The following PPP2R2C variants were observed in gnomAD, a reference collection of about 807,000 sequenced individuals.
PPP2R2C encodes protein phosphatase 2 regulatory subunit Bgamma.
Under a neutral mutation model 45.3 loss-of-function variants are expected in PPP2R2C, and 10 were observed. The ratio of observed to expected loss-of-function variants is 0.22; its 90% CI spans 0.14 to 0.37. The LOEUF is 0.37. Ranked by LOEUF, PPP2R2C falls within the 10% of genes least tolerant of loss-of-function variation. PPP2R2C has a pLI of 1.00. For synonymous variants in PPP2R2C, 257 were observed against 245.4 expected (o/e 1.05, Z -0.44); for missense variants, 308 against 619.7 (o/e 0.50, Z 5.34).
intron 1 of PPP2R2C, among the ~76,000 whole-genome samples, chr4:6,433,250 C>A (rs1719721810): frequency 6.6e-6 from 1 of 152,136 alleles, no homozygotes; most frequent in Non-Finnish European, 1.5e-5. Flanking sequence ...TCTCTGTGCA[C>A]AGCTGAAGGC....
chr4:6,377,681 T>C (rs577827533), intron 3 of PPP2R2C, among the ~76,000 whole-genome samples: 2 of 151,902 alleles, frequency 1.3e-5, no homozygotes, highest in East Asian at 3.9e-4. Context: ...AAAAAAAGAA[T>C]CCAGGTGTGT....
chr4:6,400,442 A>C (rs527662449), intron 1 of PPP2R2C, among the ~76,000 whole-genome samples: 2 of 152,372 alleles, frequency 1.3e-5, no homozygotes, highest in East Asian at 3.9e-4. Flanking sequence ...TCTGAGTTTT[A>C]ATTTCAAAGT....
intron 2 of PPP2R2C, among the ~76,000 whole-genome samples, chr4:6,521,724 G>C (rs774197170): frequency 2.0e-5 from 3 of 152,206 alleles, no homozygotes; most frequent in Non-Finnish European, 2.9e-5. Flanking sequence ...CCCTTTCCAG[G>C]GGGCCACTCT....
At chr4:6,373,773 C>T (rs536283998) in intron 4 of PPP2R2C, among the ~76,000 whole-genome samples, 11 of 152,346 alleles carry the variant, frequency 7.2e-5, no homozygotes, top group Admixed American at 5.9e-4. Flanking sequence ...GTTAAATTTT[C>T]CCACACACCA....
chr4:6,334,626 G>A (rs1257926160), intron 6 of PPP2R2C, among the ~76,000 whole-genome samples: 1 of 152,166 alleles, frequency 6.6e-6, no homozygotes, highest in Non-Finnish European at 1.5e-5. Flanking sequence ...GTTGGGCCAG[G>A]CACTAACTCC....
At chr4:6,533,945 C>G (rs1050538774) in intron 2 of PPP2R2C, among the ~76,000 whole-genome samples, 1 of 150,864 alleles carries the variant, frequency 6.6e-6, no homozygotes, top group African/African-American at 2.5e-5. Context: ...CATCAATAAG[C>G]TCACCACACA....
chr4:6,449,132 G>C (rs539799973), intron 1 of PPP2R2C, among the ~76,000 whole-genome samples: 1 of 152,172 alleles, frequency 6.6e-6, no homozygotes, highest in African/African-American at 2.4e-5. Context: ...CCAAGTCCAC[G>C]TAGAAGGCCC....
intron 2 of PPP2R2C, among the ~76,000 whole-genome samples, chr4:6,486,973 A>G (rs1722548889): frequency 6.6e-6 from 1 of 151,898 alleles, no homozygotes; most frequent in African/African-American, 2.4e-5. Flanking sequence ...CAATTATTCC[A>G]TTCTATCTAC....
chr4:6,501,179 T>C (rs746188752), intron 2 of PPP2R2C, among the ~76,000 whole-genome samples: 6 of 152,218 alleles, frequency 3.9e-5, no homozygotes, highest in Admixed American at 1.3e-4. Flanking sequence ...CCTAGGATGC[T>C]GTTTTCCGAT....
At chr4:6,351,283 A>G in intron 5 of PPP2R2C, 2 of 776,374 alleles carry the variant, frequency 2.6e-6, no homozygotes, top group Non-Finnish European at 3.1e-6. Context: ...ACTGCACTCC[A>G]GACTGGGTGA....
At chr4:6,376,897 G>A (rs759823275) in intron 3 of PPP2R2C, among the ~76,000 whole-genome samples, 2 of 152,230 alleles carry the variant, frequency 1.3e-5, no homozygotes, top group African/African-American at 4.8e-5. Flanking sequence ...GCCCCTTAGG[G>A]GACACAGATC....
intron 1 of PPP2R2C, among the ~76,000 whole-genome samples, chr4:6,441,605 G>A (rs1350647373): frequency 2.6e-5 from 4 of 152,300 alleles, no homozygotes; most frequent in Middle Eastern, 3.4e-3. Flanking sequence ...TGCTCTGTAC[G>A]TGTCACCTGC....
At chr4:6,526,421 C>G (rs537839192) in intron 2 of PPP2R2C, among the ~76,000 whole-genome samples, 1 of 152,304 alleles carries the variant, frequency 6.6e-6, no homozygotes, top group East Asian at 1.9e-4. Flanking sequence ...CTTCAGCTGA[C>G]AAGTTTAACA....
At chr4:6,396,479 G>A (rs1263515981) in intron 1 of PPP2R2C, among the ~76,000 whole-genome samples, 1 of 152,156 alleles carries the variant, frequency 6.6e-6, no homozygotes, top group African/African-American at 2.4e-5. Flanking sequence ...ATGGGTTATC[G>A]GGCTCCTTTC....
At position 6,486,638 on chromosome 4, in the gene PPP2R2C, G is replaced by A. The variant is rs73207872; in HGVS notation, c.49+48633C>T. Among the ~76,000 whole-genome samples, 1,421 of 152,086 alleles carry A rather than the reference G, an allele frequency of 9.3e-3. 7 individuals carry two copies. The highest frequency in any genetic ancestry group is 0.015 in the Non-Finnish European group (1,009 of 67,884). ...AACCTGGTAATATTCTTTACTGTGA[G>A]ATCTACTTTGAGATTAATATAGCCA... On this transcript the variant is annotated intron_variant, in intron 2 of 9. Transcript: ENST00000506140.
chr4:6,428,746 C>T (rs1051196787), intron 1 of PPP2R2C, among the ~76,000 whole-genome samples: 3 of 152,244 alleles, frequency 2.0e-5, no homozygotes. Flanking sequence ...TGCTGAGTGT[C>T]TCTGTCTCCA....
chr4:6,528,856 T>C (rs1304543516), intron 2 of PPP2R2C, among the ~76,000 whole-genome samples: 1 of 152,178 alleles, frequency 6.6e-6, no homozygotes, highest in African/African-American at 2.4e-5. Flanking sequence ...CCTTTGACTG[T>C]AATTTTCCTT....
intron 1 of PPP2R2C, among the ~76,000 whole-genome samples, chr4:6,469,824 G>A (rs1381147762): frequency 6.6e-6 from 1 of 152,186 alleles, no homozygotes; most frequent in Non-Finnish European, 1.5e-5. Flanking sequence ...CATTAGGGAG[G>A]CCAGAATTCT....
upstream of PPP2R2C, among the ~76,000 whole-genome samples, chr4:6,473,860 G>C (rs752111663): frequency 1.1e-4 from 16 of 152,326 alleles, no homozygotes; most frequent in Non-Finnish European, 2.4e-4. Context: ...GAAATCCCCA[G>C]AATGGACCTA....
Sources: allele counts gnomAD v4.1 joint callset (sites outside exome capture counted in the v4.1 genomes callset), GRCh38; gene constraint gnomAD v4.1.1; transcripts MANE v1.5; gene names NCBI Gene and HGNC (gene_info 2026-07-23, HGNC 2026-07-21).